The following EPHA6 variants were observed in gnomAD, a reference collection of about 807,000 sequenced individuals.
EPHA6 encodes ephrin type-A receptor 6.
Under a neutral mutation model 112.0 loss-of-function variants are expected in EPHA6, and 50 were observed. The ratio of observed to expected loss-of-function variants is 0.45; its 90% CI spans 0.36 to 0.56. EPHA6 has a LOEUF of 0.56. EPHA6 is among the 20% of genes least tolerant of loss of function. The pLI, the probability that EPHA6 is intolerant of heterozygous loss-of-function variation, is 0.00. For missense variants in EPHA6, 1,280 were observed against 1,417.4 expected (o/e 0.90, Z 1.56); for synonymous variants, 529 against 490.7 (o/e 1.08, Z -1.03).
chr3:97,092,766 A>T (rs2047113584), intron 3 of EPHA6, among the ~76,000 whole-genome samples: 1 of 152,152 alleles, frequency 6.6e-6, no homozygotes, highest in Non-Finnish European at 1.5e-5. Context: ...TATATGAGTC[A>T]ACATGGGTCC....
At chr3:97,256,494 A>G (rs1464918988) in intron 5 of EPHA6, among the ~76,000 whole-genome samples, 1 of 152,068 alleles carries the variant, frequency 6.6e-6, no homozygotes, top group Non-Finnish European at 1.5e-5. Context: ...AAGACTAATT[A>G]TGTTTAGGAT....
At chr3:97,289,476 C>G (rs1029372053) in intron 5 of EPHA6, among the ~76,000 whole-genome samples, 1 of 152,042 alleles carries the variant, frequency 6.6e-6, no homozygotes, top group Non-Finnish European at 1.5e-5. Context: ...CTTTTGGTTA[C>G]AGTAGTCTTA....
At chr3:97,604,527 T>C (rs575702674) in intron 12 of EPHA6, among the ~76,000 whole-genome samples, 2 of 151,844 alleles carry the variant, frequency 1.3e-5, no homozygotes, top group Admixed American at 6.6e-5. Context: ...TGTGACATAG[T>C]GTGCAAACAT....
rs906981651 is a variant in EPHA6, at chr3:96,814,635, C to T, written c.12C>T (p.Pro4=). 16 of 1,470,680 alleles carry T rather than the reference C, an allele frequency of 1.1e-5. No individual in the cohort carries two copies. The highest frequency in any genetic ancestry group is 1.4e-5 in the African/African-American group (1 of 70,810). The allele number at this position is 1,470,680 out of a possible 1,614,324, so 91.1% of individuals were successfully genotyped here. Residue 4 remains proline (P), a synonymous_variant, in exon 1 of 18, where the codon CCC becomes CCT. Coordinates refer to ENST00000389672, the MANE Select transcript of EPHA6 (RefSeq NM_001080448.3). ...GGACACTGTGGTGGATGCAATTCCC[C>T]TCGCCTCCAGCCGCGAGGAGCTCCC... MQF[P]SPPAARSSPA...
intron 14 of EPHA6, among the ~76,000 whole-genome samples, chr3:97,659,158 C>T (rs1389335826): frequency 6.6e-6 from 1 of 151,852 alleles, no homozygotes; most frequent in African/African-American, 2.4e-5. Context: ...GGACTTTAAT[C>T]TGATTTAGTC....
Position 97,448,693 on chromosome 3 carries a change from C to T in EPHA6, c.1857C>T (p.Gly619=), listed in dbSNP as rs1384478160. The part of the protein sequence containing the change: ...IRVRTATGYS[G]YSQKFEFETG... Reference sequence around the variant, plus strand: ...TGAGAACTGCGACAGGATACAGTGGCTACAGTCAGAAATTTGAATTTGAAA... The same window carrying T: ...TGAGAACTGCGACAGGATACAGTGGTTACAGTCAGAAATTTGAATTTGAAA... Residue 619 remains glycine, a synonymous_variant, in exon 7 of 18, where the codon GGC becomes GGT. Coordinates refer to ENST00000389672, the MANE Select transcript of EPHA6 (RefSeq NM_001080448.3). 1 of 1,613,432 alleles carries T rather than the reference C, an allele frequency of 6.2e-7. No individual in the cohort carries two copies. Among genetic ancestry groups the T allele is most frequent in the Admixed American group, 1.7e-5 (1 of 59,976 alleles).
chr3:97,259,582 C>T (rs1464584369), intron 5 of EPHA6, among the ~76,000 whole-genome samples: 1 of 152,034 alleles, frequency 6.6e-6, no homozygotes, highest in Non-Finnish European at 1.5e-5. Context: ...CCTGGAGCCT[C>T]GAACAGTATG....
intron 4 of EPHA6, among the ~76,000 whole-genome samples, chr3:97,237,674 T>G (rs1166600236): frequency 6.6e-6 from 1 of 152,086 alleles, no homozygotes; most frequent in African/African-American, 2.4e-5. Flanking sequence ...GAGGAAAGTT[T>G]ATTAATTTGC....
intron 6 of EPHA6, among the ~76,000 whole-genome samples, chr3:97,440,995 T>C (rs2090108478): frequency 6.6e-6 from 1 of 152,030 alleles, no homozygotes; most frequent in African/African-American, 2.4e-5. Context: ...TAATTTTAAA[T>C]GATAGTCAAG....
chr3:97,129,478 G>A (rs1649252179), intron 3 of EPHA6, among the ~76,000 whole-genome samples: 1 of 151,466 alleles, frequency 6.6e-6, no homozygotes, highest in East Asian at 1.9e-4. Flanking sequence ...CTCCAGCCTG[G>A]GCGACAGACT....
chr3:97,264,169 C>T (rs909248773), intron 5 of EPHA6, among the ~76,000 whole-genome samples: 1 of 152,200 alleles, frequency 6.6e-6, no homozygotes, highest in Non-Finnish European at 1.5e-5. Context: ...GTGCCTTTGC[C>T]CAAGTTTTGC....
At chr3:97,141,197 T>A (rs1414868535) in intron 3 of EPHA6, among the ~76,000 whole-genome samples, 1 of 151,952 alleles carries the variant, frequency 6.6e-6, no homozygotes, top group Non-Finnish European at 1.5e-5. Context: ...AAACAAGTAC[T>A]AAAGGAAAGG....
intron 5 of EPHA6, among the ~76,000 whole-genome samples, chr3:97,326,812 A>G (rs184982559): frequency 8.3e-4 from 127 of 152,246 alleles, no homozygotes; most frequent in African/African-American, 2.5e-3. Context: ...GATTTCTAAG[A>G]AGTATGATTT....
chr3:97,673,277 A>C (rs1279044958), intron 14 of EPHA6, among the ~76,000 whole-genome samples: 6 of 152,166 alleles, frequency 3.9e-5, no homozygotes, highest in African/African-American at 1.4e-4. Context: ...AGGCATAGAG[A>C]TGGGAAAGGG....
chr3:97,055,506 A>C (rs538884576), intron 3 of EPHA6, among the ~76,000 whole-genome samples: 1 of 152,260 alleles, frequency 6.6e-6, no homozygotes, highest in South Asian at 2.1e-4. Context: ...ATCTTTTAGG[A>C]GTTAGATTCA....
chr3:96,878,806 T>C (rs1275855634), intron 2 of EPHA6, among the ~76,000 whole-genome samples: 2 of 152,062 alleles, frequency 1.3e-5, no homozygotes, highest in African/African-American at 4.8e-5. Context: ...AATTCTTTTG[T>C]CATAGAGAAG....
chr3:97,379,445 A>G (rs1006107345), intron 5 of EPHA6, among the ~76,000 whole-genome samples: 3 of 152,054 alleles, frequency 2.0e-5, no homozygotes, highest in Non-Finnish European at 2.9e-5. Flanking sequence ...AATATTATTT[A>G]AAGATGTTTA....
At chr3:97,325,954 T>C (rs558983992) in intron 5 of EPHA6, among the ~76,000 whole-genome samples, 118 of 152,208 alleles carry the variant, frequency 7.8e-4, no homozygotes, top group Non-Finnish European at 1.3e-3. Flanking sequence ...CGATGCATTT[T>C]CCATTACCAT....
intron 3 of EPHA6, among the ~76,000 whole-genome samples, chr3:97,157,671 AAGACCCG>A (rs1242165870): frequency 6.6e-6 from 1 of 152,172 alleles, no homozygotes; most frequent in Non-Finnish European, 1.5e-5. Context: ...CAGAAGGCTC[AAGACCCG>A]AGAGGAGCTG....
Sources: allele counts gnomAD v4.1 joint callset (sites outside exome capture counted in the v4.1 genomes callset), GRCh38; gene constraint gnomAD v4.1.1; transcripts MANE v1.5; gene names NCBI Gene and HGNC (gene_info 2026-07-23, HGNC 2026-07-21).